Variants in PTPRK observed in about 807,000 individuals in gnomAD.
PTPRK encodes the protein receptor-type tyrosine-protein phosphatase kappa.
In PTPRK, 75 loss-of-function variants were observed where a neutral mutation model predicts 178.0. That is an observed-to-expected ratio of 0.42 (90% CI 0.35 to 0.51). PTPRK has a LOEUF of 0.51. Ranked by LOEUF, PTPRK falls within the 20% of genes least tolerant of loss-of-function variation. PTPRK has a pLI of 0.02. For synonymous variants in PTPRK, 637 were observed against 620.6 expected (o/e 1.03, Z -0.39); for missense variants, 1,441 against 1,797.8 (o/e 0.80, Z 3.59).
intron 7 of PTPRK, among the ~76,000 whole-genome samples, chr6:128,170,756 A>G (rs1448750543): frequency 6.6e-6 from 1 of 152,080 alleles, no homozygotes; most frequent in Non-Finnish European, 1.5e-5. Flanking sequence ...ACATTTAAGC[A>G]GTACAAAATT....
At chr6:128,070,777 A>G (rs114092833) in intron 11 of PTPRK, among the ~76,000 whole-genome samples, 2,159 of 151,842 alleles carry the variant, frequency 0.014, 57 homozygotes, top group African/African-American at 0.049. Flanking sequence ...TACAATAGCC[A>G]TTACATTTTC....
chr6:128,515,644 T>C (rs1430835539), intron 1 of PTPRK, among the ~76,000 whole-genome samples: 1 of 152,176 alleles, frequency 6.6e-6, no homozygotes, highest in African/African-American at 2.4e-5. Context: ...TTTTTCCTCT[T>C]CTAAAAATTA....
intron 1 of PTPRK, among the ~76,000 whole-genome samples, chr6:128,426,320 A>T (rs1484346538): frequency 1.3e-5 from 2 of 152,150 alleles, no homozygotes; most frequent in Non-Finnish European, 2.9e-5. Context: ...TGAGGTCTCT[A>T]GCTGCAAGTA....
At chr6:128,003,079 G>T in intron 15 of PTPRK, 1 of 934,408 alleles carries the variant, frequency 1.1e-6, no homozygotes, top group Non-Finnish European at 1.7e-6. Flanking sequence ...TAATACCATG[G>T]CTGTCTATTT....
chr6:128,041,309 C>T (rs1777126943), intron 13 of PTPRK, among the ~76,000 whole-genome samples: 1 of 152,044 alleles, frequency 6.6e-6, no homozygotes, highest in Non-Finnish European at 1.5e-5. Flanking sequence ...TACTCTAATG[C>T]ATTTATTAAA....
In PTPRK at chr6:128,495,457, TA is replaced by T. The variant is rs369029597; in HGVS notation, c.100+24801del. ...TTAAATCCTCGTGGAGGCAAGAGCC[TA>T]AAAAAAAAAATCCTCCTTAAATGTT... On this transcript the variant is annotated intron_variant, in intron 1 of 29. Transcript: ENST00000368226. Among the ~76,000 whole-genome samples the T allele has an allele frequency of 1.3e-3, 184 of 146,704 alleles. 1 individual carries two copies. Among genetic ancestry groups the T allele is most frequent in the African/African-American group, 3.2e-3 (130 of 40,232 alleles).
At chr6:128,447,590 C>T (rs1443892701) in intron 1 of PTPRK, among the ~76,000 whole-genome samples, 3 of 151,000 alleles carry the variant, frequency 2.0e-5, no homozygotes, top group African/African-American at 4.9e-5. Context: ...AGCGGGAAAG[C>T]TGTGGCCATT....
intron 3 of PTPRK, among the ~76,000 whole-genome samples, chr6:128,299,736 G>T (rs531351900): frequency 1.4e-3 from 212 of 152,234 alleles, no homozygotes; most frequent in African/African-American, 4.9e-3. Context: ...ATGGATTAAA[G>T]ACTTAAACGT....
chr6:128,167,929 G>A (rs1799653383), intron 7 of PTPRK, among the ~76,000 whole-genome samples: 1 of 151,934 alleles, frequency 6.6e-6, no homozygotes, highest in Non-Finnish European at 1.5e-5. Flanking sequence ...AACATTTACT[G>A]TTACCAAAAA....
At chr6:128,192,841 G>A (rs1804062731) in intron 6 of PTPRK, among the ~76,000 whole-genome samples, 2 of 146,978 alleles carry the variant, frequency 1.4e-5, no homozygotes, top group South Asian at 4.5e-4. Context: ...GAAGGGAAGG[G>A]GAGGGGAGGG....
chr6:128,466,345 A>G (rs1204530627), intron 1 of PTPRK, among the ~76,000 whole-genome samples: 1 of 152,230 alleles, frequency 6.6e-6, no homozygotes, highest in Non-Finnish European at 1.5e-5. Flanking sequence ...GTGCAAAGCA[A>G]ATTAGTTCTG....
chr6:128,470,402 C>T (rs969599315), intron 1 of PTPRK, among the ~76,000 whole-genome samples: 14 of 149,726 alleles, frequency 9.4e-5, no homozygotes, highest in Non-Finnish European at 1.8e-4. Context: ...ACCTCTAATG[C>T]GTTTTTTTTT....
At chr6:128,352,205 G>A (rs1233214651) in intron 2 of PTPRK, among the ~76,000 whole-genome samples, 3 of 129,950 alleles carry the variant, frequency 2.3e-5, no homozygotes, top group Non-Finnish European at 1.6e-5. Context: ...AGTGAGCAGA[G>A]ATCGCACCAC....
intron 13 of PTPRK, among the ~76,000 whole-genome samples, chr6:128,036,179 C>T (rs1372837182): frequency 1.3e-5 from 2 of 152,072 alleles, no homozygotes; most frequent in African/African-American, 2.4e-5. Flanking sequence ...GAGACACAGG[C>T]AACCAAGGCT....
intron 1 of PTPRK, among the ~76,000 whole-genome samples, chr6:128,505,218 C>T (rs1388984823): frequency 2.0e-5 from 3 of 150,954 alleles, no homozygotes; most frequent in Non-Finnish European, 4.4e-5. Context: ...ATTCTCCTGC[C>T]TCAGCCTCTT....
At chr6:128,275,424 T>C (rs1820570767) in intron 3 of PTPRK, among the ~76,000 whole-genome samples, 1 of 152,056 alleles carries the variant, frequency 6.6e-6, no homozygotes, top group African/African-American at 2.4e-5. Context: ...GCAAACTCCA[T>C]AATGTTACAT....
chr6:128,497,069 T>C (rs1318198919), intron 1 of PTPRK, among the ~76,000 whole-genome samples: 1 of 152,176 alleles, frequency 6.6e-6, no homozygotes. Flanking sequence ...TGCACAATAG[T>C]ATGTGATTAA....
At chr6:128,005,960 GT>G (rs1562421530) in intron 14 of PTPRK, 1 of 1,254,830 alleles carries the variant, frequency 8.0e-7, no homozygotes, top group Non-Finnish European at 1.1e-6. Context: ...ATTCTGTTTT[GT>G]TTTTGAAAAG....
Position 127,996,882 on chromosome 6 carries a change from G to C in PTPRK, c.2767+19C>G, listed in dbSNP as rs572044967. On this transcript the variant is annotated intron_variant, in intron 17 of 29. Transcript: ENST00000368226. ...AGCATATAATATTTACATTCACCAA[G>C]AATTGAATGGGAACTTACATGCTAT... 6.2e-7 allele frequency: 1 copy of C among 1,603,330 alleles called. No individual in the cohort carries two copies.
Sources: gnomAD v4.1 joint callset for allele counts (sites outside exome capture counted in the v4.1 genomes callset) on GRCh38, gnomAD v4.1.1 for gene constraint, MANE v1.5 for transcripts, NCBI Gene and HGNC (gene_info 2026-07-23, HGNC 2026-07-21) for gene names.